RFX3: variants seen among roughly 807,000 people sequenced by gnomAD.
The protein encoded by RFX3 is transcription factor RFX3.
Under a neutral mutation model 98.6 loss-of-function variants are expected in RFX3, and 14 were observed. The observed-to-expected ratio is 0.14, with a 90% CI of 0.09 to 0.22. The LOEUF is 0.22. Among genes scored for constraint, RFX3 ranks in the 10% least tolerant of loss-of-function variants. RFX3 has a pLI of 1.00. For synonymous variants in RFX3, 383 were observed against 328.4 expected (o/e 1.17, Z -1.80); for missense variants, 639 against 926.9 (o/e 0.69, Z 4.03).
chr9:3,336,177 T>C (rs534405646), intron 3 of RFX3, among the ~76,000 whole-genome samples: 1 of 152,294 alleles, frequency 6.6e-6, no homozygotes, highest in African/African-American at 2.4e-5. Flanking sequence ...AGAATATAGA[T>C]ATGGTGACCA....
intron 1 of RFX3, among the ~76,000 whole-genome samples, chr9:3,456,173 A>G (rs987558968): frequency 2.0e-5 from 3 of 152,240 alleles, no homozygotes; most frequent in African/African-American, 7.2e-5. Context: ...CCCATGCTCG[A>G]ATAGTATCAC....
intron 2 of RFX3, among the ~76,000 whole-genome samples, chr9:3,347,561 C>A (rs917475342): frequency 6.6e-6 from 1 of 152,064 alleles, no homozygotes; most frequent in Non-Finnish European, 1.5e-5. Context: ...CGGTGGCTCA[C>A]CCCTGTAATC....
intron 4 of RFX3, among the ~76,000 whole-genome samples, chr9:3,320,378 C>T (rs1013122462): frequency 6.6e-6 from 1 of 151,862 alleles, no homozygotes; most frequent in Non-Finnish European, 1.5e-5. Flanking sequence ...AACAGGGAAA[C>T]CCCATGTCTA....
chr9:3,335,299 T>C (rs1016126285), intron 3 of RFX3, among the ~76,000 whole-genome samples: 1 of 152,126 alleles, frequency 6.6e-6, no homozygotes, highest in Admixed American at 6.6e-5. Context: ...CCTGAATAAA[T>C]ACTTAAAAAT....
chr9:3,404,084 C>T (rs1841735405), intron 1 of RFX3, among the ~76,000 whole-genome samples: 1 of 152,050 alleles, frequency 6.6e-6, no homozygotes. Context: ...AATAACATTG[C>T]TAATAATAGA....
chr9:3,343,194 C>T lies in RFX3; in HGVS notation c.215+3473G>A, dbSNP rs1438860007. 2.0e-5 allele frequency among the ~76,000 whole-genome samples: 3 copies of T among 152,158 alleles called. No individual in the cohort carries two copies. In the East Asian group the frequency reaches 5.8e-4, roughly 29 times the overall value. Reference sequence around the variant, plus strand: ...TTGAGTGAGACCCCATGCATTATGGCTACATGACATGGGGACGCTGGTGAC... The same window carrying T: ...TTGAGTGAGACCCCATGCATTATGGTTACATGACATGGGGACGCTGGTGAC... On this transcript the variant is annotated intron_variant, in intron 3 of 16. Coordinates refer to ENST00000617270, the MANE Select transcript of RFX3 (RefSeq NM_001282116.2).
At chr9:3,382,614 T>C (rs1173065338) in intron 2 of RFX3, among the ~76,000 whole-genome samples, 2 of 152,194 alleles carry the variant, frequency 1.3e-5, no homozygotes, top group Non-Finnish European at 2.9e-5. Context: ...TTGTATTTTC[T>C]AGCAATGAGG....
chr9:3,299,613 C>T (rs144122632), intron 5 of RFX3, among the ~76,000 whole-genome samples: 94 of 151,564 alleles, frequency 6.2e-4, no homozygotes, highest in African/African-American at 2.1e-3. Context: ...GAGTTGTTAG[C>T]AGTATGGAAG....
intron 6 of RFX3, among the ~76,000 whole-genome samples, chr9:3,290,207 A>T: frequency 6.6e-6 from 1 of 152,086 alleles, no homozygotes; most frequent in Non-Finnish European, 1.5e-5. Context: ...CAATTAAAAA[A>T]AAAAAAACAG....
At chr9:3,312,288 T>C (rs369368065) in intron 4 of RFX3, among the ~76,000 whole-genome samples, 37 of 152,328 alleles carry the variant, frequency 2.4e-4, no homozygotes, top group African/African-American at 8.7e-4. Flanking sequence ...TTTCTCATTG[T>C]AGTTTGTGGC....
intron 1 of RFX3, among the ~76,000 whole-genome samples, chr9:3,415,745 T>A (rs1481979077): frequency 6.6e-6 from 1 of 152,194 alleles, no homozygotes; most frequent in Non-Finnish European, 1.5e-5. Context: ...CCTTCTCATT[T>A]ACCTAAATTC....
At chr9:3,291,336 C>T (rs1827306300) in intron 6 of RFX3, among the ~76,000 whole-genome samples, 2 of 152,118 alleles carry the variant, frequency 1.3e-5, no homozygotes, top group Non-Finnish European at 1.5e-5. Context: ...TGGGGCACTG[C>T]ACTCCAGCCT....
chr9:3,285,837 A>T (rs1402140718), intron 7 of RFX3, among the ~76,000 whole-genome samples: 1 of 151,668 alleles, frequency 6.6e-6, no homozygotes, highest in Non-Finnish European at 1.5e-5. Flanking sequence ...CTGTTTCCAA[A>T]CTCAAGTACC....
intron 4 of RFX3, among the ~76,000 whole-genome samples, chr9:3,328,204 G>C (rs1188755027): frequency 6.6e-6 from 1 of 151,998 alleles, no homozygotes; most frequent in Admixed American, 6.6e-5. Flanking sequence ...CTTGATAAGT[G>C]GTATTTTCCT....
At chr9:3,315,309 T>C (rs973954371) in intron 4 of RFX3, among the ~76,000 whole-genome samples, 3 of 152,104 alleles carry the variant, frequency 2.0e-5, no homozygotes, top group Non-Finnish European at 4.4e-5. Flanking sequence ...GAAATAAAGG[T>C]ATTCTTTGAA....
intron 2 of RFX3, among the ~76,000 whole-genome samples, chr9:3,362,870 GA>G (rs750369411): frequency 6.6e-6 from 1 of 152,230 alleles, no homozygotes; most frequent in Non-Finnish European, 1.5e-5. Flanking sequence ...TCAAAGGCGA[GA>G]GGGGGAGTGT....
At chr9:3,293,786 G>A (rs1242982235) in intron 5 of RFX3, among the ~76,000 whole-genome samples, 6 of 151,920 alleles carry the variant, frequency 3.9e-5, no homozygotes, top group Non-Finnish European at 2.9e-5. Flanking sequence ...TAACAATATT[G>A]TCTACTGCGA....
At chr9:3,344,811 G>A in intron 3 of RFX3, 1 of 709,302 alleles carries the variant, frequency 1.4e-6, no homozygotes, top group Non-Finnish European at 2.6e-6. Context: ...TTTTTCATTT[G>A]GTATAAATGC....
chr9:3,361,265 A>G (rs1420522991), intron 2 of RFX3, among the ~76,000 whole-genome samples: 1 of 152,136 alleles, frequency 6.6e-6, no homozygotes, highest in East Asian at 1.9e-4. Context: ...GAGGTTAATT[A>G]CAAAAGTAAC....
Sources: gnomAD v4.1 joint callset for allele counts (sites outside exome capture counted in the v4.1 genomes callset) on GRCh38, gnomAD v4.1.1 for gene constraint, MANE v1.5 for transcripts, NCBI Gene and HGNC (gene_info 2026-07-23, HGNC 2026-07-21) for gene names.